Variants in MCTP1 observed in about 807,000 individuals in gnomAD.
MCTP1 encodes the protein multiple C2 and transmembrane domain containing 1, also known as multiple C2 and transmembrane domain-containing protein 1.
A neutral mutation model predicts 120.6 loss-of-function variants in MCTP1; 69 were observed. That is an observed-to-expected ratio of 0.57 (90% CI 0.47 to 0.70). The LOEUF is 0.70. MCTP1 is among the 30% of genes least tolerant of loss of function. The pLI is 0.00. For synonymous variants in MCTP1, 529 were observed against 493.1 expected (o/e 1.07, Z -0.96); for missense variants, 1,203 against 1,248.8 (o/e 0.96, Z 0.55).
At chr5:94,894,860 C>A (rs752195945) in intron 10 of MCTP1, 25 bp from the exon 11 acceptor site, 3 of 1,350,576 alleles carry the variant, frequency 2.2e-6, no homozygotes, top group East Asian at 2.5e-5. Context: ...TTTGAATCAG[C>A]AAGTGGCTTT....
At chr5:94,959,259 T>A (rs1315391474) in intron 2 of MCTP1, among the ~76,000 whole-genome samples, 2 of 152,116 alleles carry the variant, frequency 1.3e-5, no homozygotes, top group Non-Finnish European at 2.9e-5. Context: ...CAGGTATTGA[T>A]GGAATGTATC....
intron 21 of MCTP1, 135 bp downstream of exon 21, chr5:94,710,683 A>G: frequency 1.7e-6 from 1 of 602,440 alleles, no homozygotes; most frequent in Non-Finnish European, 2.9e-6. Context: ...TTTTTAACCA[A>G]CCTGTCTCTT....
chr5:95,131,693 T>C (rs1195952067), intron 1 of MCTP1, among the ~76,000 whole-genome samples: 2 of 152,224 alleles, frequency 1.3e-5, no homozygotes, highest in African/African-American at 4.8e-5. Flanking sequence ...CACTAAAATG[T>C]AAATTCCTCT....
chr5:94,840,590 G>C (rs1432429106), intron 17 of MCTP1, among the ~76,000 whole-genome samples: 1 of 151,914 alleles, frequency 6.6e-6, no homozygotes, highest in Non-Finnish European at 1.5e-5. Context: ...TTTATGTCTA[G>C]TTTTGGGTTG....
At chr5:94,880,994 G>A (rs967766095) in intron 12 of MCTP1, among the ~76,000 whole-genome samples, 1 of 152,074 alleles carries the variant, frequency 6.6e-6, no homozygotes, top group African/African-American at 2.4e-5. Flanking sequence ...TGGATGGCTT[G>A]CTGAGCATCC....
intron 19 of MCTP1, among the ~76,000 whole-genome samples, chr5:94,775,234 A>G (rs1775035701): frequency 6.6e-6 from 1 of 152,226 alleles, no homozygotes; most frequent in South Asian, 2.1e-4. Context: ...ACGCATTTGA[A>G]TCCATGCTTT....
chr5:94,873,825 C>G (rs1406763332), intron 12 of MCTP1, among the ~76,000 whole-genome samples: 1 of 151,642 alleles, frequency 6.6e-6, no homozygotes, highest in South Asian at 2.1e-4. Context: ...GAAAAAAAAT[C>G]TACCATTTGA....
intron 1 of MCTP1, among the ~76,000 whole-genome samples, chr5:95,148,802 G>T (rs943214210): frequency 5.9e-5 from 9 of 152,114 alleles, no homozygotes; most frequent in Non-Finnish European, 1.3e-4. Flanking sequence ...TCATCTGAGA[G>T]GGCTGGTGAT....
Position 95,281,234 on chromosome 5 carries a change from G to A in MCTP1, c.720+2622C>T, listed in dbSNP as rs149656884. On this transcript the variant is annotated intron_variant, in intron 1 of 22. Transcript: ENST00000515393. ...CAGGTCACTTTGGAGATGAGCTGCT[G>A]AGAGAGTAAGGAAAGATCTCTGAGA... Among the ~76,000 whole-genome samples, 50 of 152,330 alleles carry A rather than the reference G, an allele frequency of 3.3e-4. 1 individual carries two copies. The highest frequency in any genetic ancestry group is 1.7e-3 in the Admixed American group (26 of 15,310).
chr5:94,925,652 G>A (rs942665925), intron 6 of MCTP1, among the ~76,000 whole-genome samples: 1 of 152,086 alleles, frequency 6.6e-6, no homozygotes, highest in Non-Finnish European at 1.5e-5. Context: ...CTCGTGATCC[G>A]CCCGCCTAGG....
intron 19 of MCTP1, among the ~76,000 whole-genome samples, chr5:94,729,039 C>A (rs542578982): frequency 5.3e-4 from 81 of 152,210 alleles, no homozygotes; most frequent in African/African-American, 1.8e-3. Context: ...TAGTAAAAAG[C>A]GCAATGAAGA....
At chr5:94,988,756 A>G (rs1374781078) in intron 2 of MCTP1, among the ~76,000 whole-genome samples, 1 of 152,118 alleles carries the variant, frequency 6.6e-6, no homozygotes, top group East Asian at 1.9e-4. Flanking sequence ...GGGAATTTAT[A>G]AAGAAATGAG....
intron 17 of MCTP1, among the ~76,000 whole-genome samples, chr5:94,831,917 A>C (rs192807547): frequency 1.3e-3 from 192 of 152,326 alleles, no homozygotes; most frequent in African/African-American, 4.2e-3. Flanking sequence ...AAAAGATGAG[A>C]TGAAATCTGT....
intron 1 of MCTP1, among the ~76,000 whole-genome samples, chr5:95,259,197 A>C (rs796637978): frequency 6.6e-6 from 1 of 152,172 alleles, no homozygotes; most frequent in African/African-American, 2.4e-5. Flanking sequence ...ACCTTGGAGA[A>C]TCATCCCTGC....
chr5:95,248,961 G>A (rs1444707827), intron 1 of MCTP1, among the ~76,000 whole-genome samples: 4 of 152,158 alleles, frequency 2.6e-5, no homozygotes, highest in East Asian at 3.9e-4. Context: ...CTAACCATAG[G>A]TAGAAAGCTG....
At chr5:94,954,158 GCATATATATA>G (rs1821830719) in intron 2 of MCTP1, among the ~76,000 whole-genome samples, 1 of 73,940 alleles carries the variant, frequency 1.4e-5, no homozygotes, top group South Asian at 3.8e-4. Context: ...ATATATATAT[GCATATATATA>G]CATATATATA....
intron 1 of MCTP1, among the ~76,000 whole-genome samples, chr5:95,218,265 A>G (rs141793157): frequency 1.3e-5 from 2 of 152,376 alleles, no homozygotes; most frequent in Non-Finnish European, 2.9e-5. Context: ...TCCGTGTTCA[A>G]TGGTTAAGTC....
At chr5:95,213,477 T>C (rs1752648581) in intron 1 of MCTP1, among the ~76,000 whole-genome samples, 1 of 152,162 alleles carries the variant, frequency 6.6e-6, no homozygotes, top group African/African-American at 2.4e-5. Context: ...CCCATCAAGC[T>C]ACCAATGACT....
At chr5:95,098,753 C>T (rs1756473268) in intron 1 of MCTP1, among the ~76,000 whole-genome samples, 1 of 152,006 alleles carries the variant, frequency 6.6e-6, no homozygotes, top group Non-Finnish European at 1.5e-5. Context: ...ATTTTCTTCA[C>T]AGAATTGGAA....
Sources: gnomAD v4.1 joint callset for allele counts (sites outside exome capture counted in the v4.1 genomes callset) on GRCh38, gnomAD v4.1.1 for gene constraint, MANE v1.5 for transcripts, NCBI Gene and HGNC (gene_info 2026-07-23, HGNC 2026-07-21) for gene names.